The following POLA1 variants were observed in gnomAD, a reference collection of about 807,000 sequenced individuals.
The protein encoded by POLA1 is DNA polymerase alpha catalytic subunit.
POLA1 carries 15 observed loss-of-function variants against 124.0 expected under a neutral mutation model. The ratio of observed to expected loss-of-function variants is 0.12; its 90% CI spans 0.08 to 0.19. The LOEUF (loss-of-function observed/expected upper bound fraction) is 0.19. Ranked by LOEUF, POLA1 falls within the 10% of genes least tolerant of loss-of-function variation. The probability of loss-of-function intolerance (pLI) is 1.00; values close to 1 mark genes in which losing one functional copy is unlikely to be tolerated. For synonymous variants in POLA1, 408 were observed against 389.4 expected, an observed-to-expected ratio of 1.05 and a Z score of -0.56; for missense variants, 886 against 1,103.4, an observed-to-expected ratio of 0.80 and a Z score of 2.79.
chrX:24,995,928 C>T lies in POLA1; in HGVS notation c.4385C>T (p.Ala1462Val), dbSNP rs754897458. ...YSEVNLSKLF[A>V]GCAVKS ...GAAGTGAATCTGAGCAAACTCTTCGCTGGTTGTGCCGTGAAATCCTAAGGG... is the reference window on the plus strand; with the variant it reads ...GAAGTGAATCTGAGCAAACTCTTCGTTGGTTGTGCCGTGAAATCCTAAGGG... The change falls in exon 37 of 37, where the codon GCT (alanine) becomes GTT (valine). Residue 1462 changes from alanine (A) to valine (V), a missense_variant. Transcript: ENST00000379068. 1.1e-5 allele frequency: 13 copies of T among 1,208,180 alleles called. No individual in the cohort carries two copies. The East Asian group carries it at 3.9e-4, about 36-fold the overall frequency.
chrX:24,698,622 TTTATC>T (rs1044710202), intron 1 of POLA1, among the ~76,000 whole-genome samples: 2 of 111,860 alleles, frequency 1.8e-5, no homozygotes, highest in Admixed American at 9.5e-5. Flanking sequence ...CCATGTCTTT[TTTATC>T]TTTTTTTGTT....
intron 35 of POLA1, among the ~76,000 whole-genome samples, chrX:24,891,698 C>T (rs1038815677): frequency 9.8e-5 from 11 of 111,833 alleles, no homozygotes; most frequent in African/African-American, 3.6e-4. Context: ...TAAACAACTG[C>T]AACTACATCC....
chrX:24,951,343 A>AACCCCCCCC (rs2048039914), intron 36 of POLA1, among the ~76,000 whole-genome samples: 1 of 40,937 alleles, frequency 2.4e-5, no homozygotes, highest in Non-Finnish European at 4.6e-5. Flanking sequence ...ACACCTCCCT[A>AACCCCCCCC]CCCCCCCCCC....
intron 35 of POLA1, among the ~76,000 whole-genome samples, chrX:24,906,783 T>G (rs1200267489): frequency 9.0e-6 from 1 of 111,344 alleles, no homozygotes; most frequent in Non-Finnish European, 1.9e-5. Flanking sequence ...CAAATGGATA[T>G]ATCAGAAGCA....
chrX:24,766,294 T>G (rs1183720453), intron 26 of POLA1, among the ~76,000 whole-genome samples: 1 of 112,227 alleles, frequency 8.9e-6, no homozygotes, highest in South Asian at 3.7e-4. Flanking sequence ...ATATACATCT[T>G]CCTTATTCAG....
chrX:24,855,033 G>A (rs903719351), intron 34 of POLA1, among the ~76,000 whole-genome samples: 4 of 111,372 alleles, frequency 3.6e-5, no homozygotes, highest in East Asian at 2.8e-4. Flanking sequence ...AAATGTTAAC[G>A]GGGGAGAAAA....
At position 24,995,830 on chromosome X, in the gene POLA1, C is replaced by T; in HGVS notation, c.4287C>T (p.Thr1429=). 1 of 1,205,440 alleles carries T rather than the reference C, an allele frequency of 8.3e-7. No individual in the cohort carries two copies. Among genetic ancestry groups the T allele is most frequent in the East Asian group, 3.0e-5 (1 of 33,766 alleles). The change falls in exon 37 of 37, where the codon ACC becomes ACT. Residue 1429 remains threonine, a synonymous_variant. Coordinates refer to ENST00000379068, the MANE Select transcript of POLA1 (RefSeq NM_001330360.2). The part of the protein sequence containing the change: ...EKDKLKKQFF[T]PKVLQDYRKL... Reference sequence around the variant, plus strand: ...ATAAATTGAAGAAGCAATTTTTTACCCCCAAAGTTCTGCAGGACTACAGAA... The same window carrying T: ...ATAAATTGAAGAAGCAATTTTTTACTCCCAAAGTTCTGCAGGACTACAGAA...
chrX:24,749,125 G>C (rs1211690442), intron 26 of POLA1, 133 bp downstream of exon 26: 1 of 475,414 alleles, frequency 2.1e-6, no homozygotes, highest in Non-Finnish European at 3.6e-6. Context: ...TTGGATGACA[G>C]GTTTGAGACA....
intron 4 of POLA1, among the ~76,000 whole-genome samples, chrX:24,710,106 C>A (rs1336022616): frequency 1.1e-3 from 90 of 85,331 alleles, no homozygotes; most frequent in African/African-American, 3.7e-3. Flanking sequence ...CCGGGCGGCG[C>A]TCGCCGGCGC....
chrX:24,961,755 A>T, intron 36 of POLA1, among the ~76,000 whole-genome samples: 1 of 111,682 alleles, frequency 9.0e-6, no homozygotes, highest in Non-Finnish European at 1.9e-5. Context: ...TTTTAAAAAA[A>T]TCTGCCCAGA....
At chrX:24,779,630 G>C (rs1450039634) in intron 26 of POLA1, among the ~76,000 whole-genome samples, 1 of 111,960 alleles carries the variant, frequency 8.9e-6, no homozygotes, top group African/African-American at 3.2e-5. Flanking sequence ...AAAAAAGGAA[G>C]TGCCAGAGCC....
At chrX:24,789,663 T>TA (rs2045454176) in intron 26 of POLA1, among the ~76,000 whole-genome samples, 1 of 111,966 alleles carries the variant, frequency 8.9e-6, no homozygotes, top group African/African-American at 3.2e-5. Context: ...AACAGCTTGT[T>TA]ATAAGCATGA....
chrX:24,982,100 G>A lies in POLA1; in HGVS notation c.4262-13705G>A, dbSNP rs1040825896. Among the ~76,000 whole-genome samples, 3 of 107,991 alleles carry A rather than the reference G, an allele frequency of 2.8e-5. No homozygotes were observed. In the Admixed American group the frequency reaches 3.0e-4, roughly 11 times the overall value. The allele number at this position is 107,991 out of a possible 115,157, so 93.8% of individuals were successfully genotyped here. A position where few individuals can be genotyped will look rare whatever the true frequency, so the allele number is the denominator to read the frequency against. ...TTTTTCCCTCAAGGCATTTAGTGTC[G>A]TGTCTGCCAGATTTCAGTGATGAGC... is the stretch of plus-strand genomic sequence containing the variant. On this transcript the variant is annotated intron_variant, in intron 36 of 36. Coordinates refer to ENST00000379068, the MANE Select transcript of POLA1 (RefSeq NM_001330360.2).
intron 30 of POLA1, among the ~76,000 whole-genome samples, chrX:24,820,708 A>G (rs922880578): frequency 1.5e-4 from 16 of 108,764 alleles, no homozygotes; most frequent in Non-Finnish European, 2.9e-4. Context: ...AGCTTATTTT[A>G]GAGGTTTTTT....
At chrX:24,897,986 A>T (rs189030471) in intron 35 of POLA1, among the ~76,000 whole-genome samples, 31 of 112,521 alleles carry the variant, frequency 2.8e-4, no homozygotes, top group African/African-American at 9.7e-4. Flanking sequence ...AAAGAGATTG[A>T]CTATTATTGT....
chrX:24,902,812 T>C (rs1268999226), intron 35 of POLA1, among the ~76,000 whole-genome samples: 2 of 111,882 alleles, frequency 1.8e-5, no homozygotes, highest in African/African-American at 6.5e-5. Context: ...CAGTGACACA[T>C]AAAAAAGGAT....
intron 36 of POLA1, among the ~76,000 whole-genome samples, chrX:24,968,652 G>C (rs1170703844): frequency 9.6e-6 from 1 of 103,818 alleles, no homozygotes; most frequent in Admixed American, 1.0e-4. Flanking sequence ...GCAGTGAGCG[G>C]AGATTGGGCC....
intron 26 of POLA1, among the ~76,000 whole-genome samples, chrX:24,774,967 G>C (rs2045107543): frequency 8.9e-6 from 1 of 112,133 alleles, no homozygotes; most frequent in East Asian, 2.8e-4. Context: ...CTGTTCATTT[G>C]TTAGATGACT....
intron 26 of POLA1, among the ~76,000 whole-genome samples, chrX:24,771,438 G>A (rs1192084649): frequency 9.0e-6 from 1 of 111,485 alleles, no homozygotes; most frequent in African/African-American, 3.3e-5. Context: ...AGTAAAAGAT[G>A]GTGAACCTTT....
Sources: allele counts gnomAD v4.1 joint callset (sites outside exome capture counted in the v4.1 genomes callset), GRCh38; gene constraint gnomAD v4.1.1; transcripts MANE v1.5; gene names NCBI Gene and HGNC (gene_info 2026-07-23, HGNC 2026-07-21).